Variants in PRLR observed in about 807,000 individuals in gnomAD.
PRLR encodes hPRL receptor.
In PRLR, 13 loss-of-function variants were observed where a neutral mutation model predicts 40.2. The ratio of observed to expected loss-of-function variants is 0.32; its 90% CI spans 0.21 to 0.51. PRLR has a LOEUF of 0.51. Among genes scored for constraint, PRLR ranks in the 20% least tolerant of loss-of-function variants. PRLR has a pLI of 0.97. For synonymous variants in PRLR, 269 were observed against 278.7 expected (o/e 0.97, Z 0.35); for missense variants, 656 against 747.3 (o/e 0.88, Z 1.42).
chr5:35,198,590 C>T (rs533493585), intron 1 of PRLR, among the ~76,000 whole-genome samples: 1 of 152,334 alleles, frequency 6.6e-6, no homozygotes, highest in African/African-American at 2.4e-5. Flanking sequence ...GCAAACCGGA[C>T]ATTTAATCTT....
intron 1 of PRLR, among the ~76,000 whole-genome samples, chr5:35,196,941 G>A (rs1038278371): frequency 6.6e-6 from 1 of 152,100 alleles, no homozygotes; most frequent in Non-Finnish European, 1.5e-5. Flanking sequence ...TCACATGGTG[G>A]AAAAAGGTGA....
chr5:35,085,227 C>A (rs1194341034), intron 4 of PRLR, among the ~76,000 whole-genome samples: 2 of 152,156 alleles, frequency 1.3e-5, no homozygotes, highest in Non-Finnish European at 2.9e-5. Context: ...TCAGGAACCT[C>A]AGCTCAAGAT....
At chr5:35,221,043 C>T (rs529535866) in intron 1 of PRLR, among the ~76,000 whole-genome samples, 65 of 152,324 alleles carry the variant, frequency 4.3e-4, no homozygotes, top group African/African-American at 1.2e-3. Flanking sequence ...CCAGCCTACT[C>T]TGATACTAAG....
At chr5:35,066,199 G>A in intron 9 of PRLR, 97 bp from the exon 10 acceptor site, 1 of 1,218,748 alleles carries the variant, frequency 8.2e-7, no homozygotes, top group African/African-American at 1.5e-5. Context: ...CCACAAGCAG[G>A]TGGGAAGATC....
At chr5:35,096,095 G>T (rs1771520332) in intron 2 of PRLR, among the ~76,000 whole-genome samples, 1 of 152,232 alleles carries the variant, frequency 6.6e-6, no homozygotes, top group Non-Finnish European at 1.5e-5. Flanking sequence ...AACGAGAGCT[G>T]ACTTAGACCT....
Position 35,210,103 on chromosome 5 carries a change from C to T in PRLR, c.-106+20165G>A, listed in dbSNP as rs568345680. Among the ~76,000 whole-genome samples, 17 of 152,318 alleles carry T rather than the reference C, an allele frequency of 1.1e-4. No individual in the cohort carries two copies. The South Asian group carries it at 2.9e-3, about 26-fold the overall frequency. ...TTCCCTACATTGGCATGCTCCCTCC[C>T]ACCTCAGTGCCTTTGCAGGTACTGA... On this transcript the variant is annotated intron_variant, in intron 1 of 9. Coordinates refer to ENST00000618457, the MANE Select transcript of PRLR (RefSeq NM_000949.7).
intron 1 of PRLR, among the ~76,000 whole-genome samples, chr5:35,188,804 C>T (rs190584964): frequency 3.3e-5 from 5 of 152,234 alleles, no homozygotes; most frequent in Admixed American, 1.3e-4. Flanking sequence ...CATAATGTAA[C>T]GTTTACTGAG....
chr5:35,206,710 A>C (rs1224530636), intron 1 of PRLR, among the ~76,000 whole-genome samples: 7 of 152,112 alleles, frequency 4.6e-5, no homozygotes, highest in African/African-American at 1.7e-4. Flanking sequence ...CCACTTGTAG[A>C]AATAAAAAGA....
intron 5 of PRLR, among the ~76,000 whole-genome samples, chr5:35,075,423 T>C (rs997876523): frequency 6.6e-6 from 1 of 152,184 alleles, no homozygotes; most frequent in Non-Finnish European, 1.5e-5. Flanking sequence ...CCCAAGCCCA[T>C]GGAGCCTTGC....
At chr5:35,095,867 C>T (rs187568478) in intron 2 of PRLR, among the ~76,000 whole-genome samples, 16 of 152,232 alleles carry the variant, frequency 1.1e-4, no homozygotes, top group South Asian at 4.2e-4. Flanking sequence ...GTCAGGTGAA[C>T]GTAATTAGAA....
At chr5:35,189,251 G>A (rs1450826493) in intron 1 of PRLR, among the ~76,000 whole-genome samples, 10 of 152,076 alleles carry the variant, frequency 6.6e-5, no homozygotes, top group African/African-American at 1.2e-4. Flanking sequence ...CCTGCTAACC[G>A]ACACTATGCT....
At chr5:35,107,696 T>C (rs777538369) in intron 2 of PRLR, among the ~76,000 whole-genome samples, 3 of 152,132 alleles carry the variant, frequency 2.0e-5, no homozygotes, top group Non-Finnish European at 2.9e-5. Context: ...AATCCCTGAA[T>C]AGACCAATAA....
At chr5:35,139,636 G>A (rs967274567) in intron 1 of PRLR, among the ~76,000 whole-genome samples, 1 of 152,148 alleles carries the variant, frequency 6.6e-6, no homozygotes, top group Non-Finnish European at 1.5e-5. Flanking sequence ...CAAACTAAAA[G>A]GTTAAAGATA....
chr5:35,084,572 G>C lies in PRLR; in HGVS notation c.271C>G (p.Gln91Glu), dbSNP rs1208623510. The C allele has an allele frequency of 6.2e-7, 1 of 1,609,674 alleles. No individual in the cohort carries two copies. The highest frequency in any genetic ancestry group is 1.3e-5 in the African/African-American group (1 of 74,684). Residue 91 changes from glutamine to glutamate, a missense_variant, in exon 5 of 10, where the codon CAG becomes GAG. Physicochemically the swap from Gln to Glu is conservative, Grantham distance 29. Around this residue, in one of 3 missense-constraint regions of PRLR, gnomAD observed 180 missense variants for 236.8 expected, o/e 0.76. Transcript: ENST00000618457. ...GGPNSCHFGK[Q>E]YTSMWRTYIM... ...TATGTCCTCCACATGGAGGTGTACT[G>C]CTTGCCAAAGTGGCAGGAGTTGGGG...
intron 1 of PRLR, among the ~76,000 whole-genome samples, chr5:35,179,242 T>C (rs1366928662): frequency 1.3e-5 from 2 of 152,172 alleles, no homozygotes; most frequent in Non-Finnish European, 2.9e-5. Flanking sequence ...GATCTGCAAA[T>C]GTTTGCTGGG....
intron 5 of PRLR, among the ~76,000 whole-genome samples, chr5:35,080,705 G>A (rs182499802): frequency 5.3e-5 from 8 of 152,064 alleles, no homozygotes; most frequent in Admixed American, 5.2e-4. Context: ...TATACCCAAG[G>A]GATTATAAAT....
At chr5:35,143,598 A>T (rs1045307793) in intron 1 of PRLR, among the ~76,000 whole-genome samples, 1 of 152,124 alleles carries the variant, frequency 6.6e-6, no homozygotes, top group Admixed American at 6.6e-5. Flanking sequence ...TTGTCCTCTC[A>T]CCTAAATGTA....
chr5:35,100,396 A>G (rs1366101197), intron 2 of PRLR, among the ~76,000 whole-genome samples: 1 of 151,768 alleles, frequency 6.6e-6, no homozygotes, highest in Non-Finnish European at 1.5e-5. Context: ...ACCCAAAGCA[A>G]CTCCCAGTCC....
At chr5:35,070,841 CAAAAAAAAAAAAAA>C (rs34668616) in intron 6 of PRLR, among the ~76,000 whole-genome samples, 5 of 69,168 alleles carry the variant, frequency 7.2e-5, no homozygotes, top group Non-Finnish European at 1.5e-4. Flanking sequence ...AACTCCGTCT[CAAAAAAAAAAAAAA>C]AAAAAAAAGA....
Sources: gnomAD v4.1 joint callset for allele counts (sites outside exome capture counted in the v4.1 genomes callset) on GRCh38, gnomAD v4.1.1 for gene constraint, gnomAD v4.1.1 regional missense constraint, MANE v1.5 for transcripts, NCBI Gene and HGNC (gene_info 2026-07-23, HGNC 2026-07-21) for gene names.